The following ITGAM variants were observed in gnomAD, a reference collection of about 807,000 sequenced individuals.
The protein encoded by ITGAM is integrin alpha-M.
A neutral mutation model predicts 137.5 loss-of-function variants in ITGAM; 79 were observed. That is an observed-to-expected ratio of 0.57 (90% CI 0.48 to 0.69). The LOEUF (loss-of-function observed/expected upper bound fraction) is 0.69, where lower values mean the gene tolerates loss of function less well. Among genes scored for constraint, ITGAM ranks in the 30% least tolerant of loss-of-function variants. ITGAM has a pLI of 0.00. For synonymous variants in ITGAM, 583 were observed against 592.3 expected (o/e 0.98, Z 0.23); for missense variants, 1,343 against 1,483.5 (o/e 0.91, Z 1.56).
chr16:31,331,197 C>G lies in ITGAM; in HGVS notation c.3309C>G (p.Pro1103=). ...CCAAAGTGGAGCCGTTCGAGGTCCCCAACCCCCTGCCGCTCATCGTGGGCA... is the reference window on the plus strand; with the variant it reads ...CCAAAGTGGAGCCGTTCGAGGTCCCGAACCCCCTGCCGCTCATCGTGGGCA... ...TETKVEPFEV[P]NPLPLIVGSS... is the part of the protein sequence containing the mutation. The change falls in exon 29 of 30, where the codon CCC becomes CCG. Residue 1103 remains proline (P), a synonymous_variant. Transcript: ENST00000544665. 6.2e-7 allele frequency: 1 copy of G among 1,613,152 alleles called. No homozygotes were observed. Among genetic ancestry groups the G allele is most frequent in the East Asian group, 2.2e-5 (1 of 44,858 alleles).
At chr16:31,284,933 G>T (rs1206490527) in intron 12 of ITGAM, among the ~76,000 whole-genome samples, 1 of 152,072 alleles carries the variant, frequency 6.6e-6, no homozygotes, top group Non-Finnish European at 1.5e-5. Context: ...AGTGTAGCAG[G>T]ACAAGCTGCA....
At chr16:31,289,461 T>C (rs2080063514) in intron 12 of ITGAM, among the ~76,000 whole-genome samples, 1 of 152,114 alleles carries the variant, frequency 6.6e-6, no homozygotes. Flanking sequence ...TGTAGGGACA[T>C]GGATGAAGCT....
chr16:31,314,649 G>T (rs1294104748), intron 14 of ITGAM, among the ~76,000 whole-genome samples: 1 of 152,088 alleles, frequency 6.6e-6, no homozygotes, highest in East Asian at 1.9e-4. Flanking sequence ...AGTATAGTTT[G>T]AAGTCAGGTA....
intron 12 of ITGAM, among the ~76,000 whole-genome samples, chr16:31,279,998 C>G (rs896338904): frequency 7.0e-6 from 1 of 142,568 alleles, no homozygotes. Context: ...ATAGGGAATC[C>G]TTTCCCCATT....
At chr16:31,294,581 C>A (rs975576918) in intron 12 of ITGAM, among the ~76,000 whole-genome samples, 5 of 152,104 alleles carry the variant, frequency 3.3e-5, no homozygotes, top group Admixed American at 6.6e-5. Context: ...GGGAATGAAG[C>A]CTACCTGATC....
Position 31,261,736 on chromosome 16 carries a change from A to G in ITGAM, c.73A>G (p.Met25Val). The change falls in exon 2 of 30, where the codon ATG becomes GTG. Residue 25 changes from methionine (M) to valine (V), a missense_variant. Transcript: ENST00000544665. ...GTTCAACTTGGACACTGAAAACGCAATGACCTTCCAAGAGAACGCAAGGGG... is the reference window on the plus strand; with the variant it reads ...GTTCAACTTGGACACTGAAAACGCAGTGACCTTCCAAGAGAACGCAAGGGG... ...HGFNLDTENA[M>V]TFQENARGFG... 3 of 1,613,178 alleles carry G rather than the reference A, an allele frequency of 1.9e-6. No individual in the cohort carries two copies. Among genetic ancestry groups the G allele is most frequent in the Non-Finnish European group, 2.5e-6 (3 of 1,179,648 alleles).
intron 14 of ITGAM, among the ~76,000 whole-genome samples, chr16:31,318,648 C>T (rs2080417056): frequency 6.6e-6 from 1 of 152,120 alleles, no homozygotes; most frequent in African/African-American, 2.4e-5. Flanking sequence ...CTGGCCAAAG[C>T]TTGTCAATTC....
At chr16:31,271,278 G>A (rs1055658285) in intron 6 of ITGAM, among the ~76,000 whole-genome samples, 194 bp downstream of exon 6, 10 of 152,134 alleles carry the variant, frequency 6.6e-5, no homozygotes, top group Non-Finnish European at 1.5e-4. Context: ...TTTATAAAGC[G>A]GGCAGCTCTA....
At chr16:31,282,812 A>G (rs1302180950) in intron 12 of ITGAM, among the ~76,000 whole-genome samples, 4 of 152,148 alleles carry the variant, frequency 2.6e-5, no homozygotes, top group Admixed American at 1.3e-4. Flanking sequence ...TCTTCCTAGC[A>G]TCGGTGGTCT....
chr16:31,320,376 G>A (rs2080436655), intron 14 of ITGAM, among the ~76,000 whole-genome samples: 1 of 151,976 alleles, frequency 6.6e-6, no homozygotes, highest in South Asian at 2.1e-4. Context: ...ATAATTAAAA[G>A]TGTCCAATTC....
chr16:31,304,444 T>G (rs2080246051), intron 14 of ITGAM, among the ~76,000 whole-genome samples: 1 of 152,236 alleles, frequency 6.6e-6, no homozygotes, highest in Admixed American at 6.5e-5. Flanking sequence ...TTATTTCTTT[T>G]GCTGTGCAGA....
At chr16:31,308,337 GGTCTATT>G (rs2080286945) in intron 14 of ITGAM, among the ~76,000 whole-genome samples, 1 of 152,032 alleles carries the variant, frequency 6.6e-6, no homozygotes, top group South Asian at 2.1e-4. Flanking sequence ...GTCTGTTATT[GGTCTATT>G]CAGAGATTCA....
intron 2 of ITGAM, among the ~76,000 whole-genome samples, chr16:31,262,390 T>TCCTG (rs566821518): frequency 0.015 from 2,121 of 141,524 alleles, 151 homozygotes; most frequent in African/African-American, 0.056. Context: ...CTTCCTTCCT[T>TCCTG]CCTTCCTTCC....
At position 31,331,196 on chromosome 16, in the gene ITGAM, C is replaced by A. The variant is rs761165223; in HGVS notation, c.3308C>A (p.Pro1103His). The change falls in exon 29 of 30, where the codon CCC becomes CAC. Residue 1103 changes from proline to histidine, a missense_variant. By Grantham distance (77) the Pro-to-His change is moderately conservative. Transcript: ENST00000544665. ...ACCAAAGTGGAGCCGTTCGAGGTCCCCAACCCCCTGCCGCTCATCGTGGGC... is the reference window on the plus strand; with the variant it reads ...ACCAAAGTGGAGCCGTTCGAGGTCCACAACCCCCTGCCGCTCATCGTGGGC... Reference protein sequence around the residue: ...TETKVEPFEVPNPLPLIVGSS... With the variant: ...TETKVEPFEVHNPLPLIVGSS... 3.7e-6 allele frequency: 6 copies of A among 1,613,208 alleles called. No homozygotes were observed. Among genetic ancestry groups the A allele is most frequent in the Non-Finnish European group, 4.2e-6 (5 of 1,179,434 alleles).
intron 21 of ITGAM, among the ~76,000 whole-genome samples, chr16:31,326,579 G>T (rs1440880694): frequency 6.6e-6 from 1 of 152,018 alleles, no homozygotes; most frequent in African/African-American, 2.4e-5. Context: ...ACCACACCCA[G>T]CTAATTTTTG....
intron 5 of ITGAM, among the ~76,000 whole-genome samples, chr16:31,269,958 G>C (rs1424208086): frequency 1.3e-5 from 2 of 152,188 alleles, no homozygotes; most frequent in Non-Finnish European, 2.9e-5. Context: ...CCTGCAGGTT[G>C]ACCTCCCAGG....
intron 12 of ITGAM, among the ~76,000 whole-genome samples, chr16:31,283,171 T>TAA (rs1336933925): frequency 6.6e-6 from 1 of 152,206 alleles, no homozygotes; most frequent in East Asian, 1.9e-4. Context: ...CCATTTCAAC[T>TAA]TTGGTGAATC....
chr16:31,278,864 T>A (rs1213238567), intron 12 of ITGAM, among the ~76,000 whole-genome samples: 1 of 152,346 alleles, frequency 6.6e-6, no homozygotes, highest in South Asian at 2.1e-4. Context: ...ATTAGGTATA[T>A]CTGCTAATGC....
intron 11 of ITGAM, among the ~76,000 whole-genome samples, chr16:31,277,282 T>G (rs2079918020): frequency 6.6e-6 from 1 of 151,906 alleles, no homozygotes; most frequent in Admixed American, 6.6e-5. Flanking sequence ...AACCTCTGCC[T>G]CCTGCGCTCA....
Sources: allele counts gnomAD v4.1 joint callset (sites outside exome capture counted in the v4.1 genomes callset), GRCh38; gene constraint gnomAD v4.1.1; transcripts MANE v1.5; gene names NCBI Gene and HGNC (gene_info 2026-07-23, HGNC 2026-07-21).